TRIM36: variants seen among roughly 807,000 people sequenced by gnomAD.
TRIM36 encodes the protein tripartite motif containing 36.
Under a neutral mutation model 72.4 loss-of-function variants are expected in TRIM36, and 42 were observed. The observed-to-expected ratio is 0.58, with a 90% confidence interval of 0.45 to 0.75. The LOEUF (loss-of-function observed/expected upper bound fraction) is 0.75, where lower values mean the gene tolerates loss of function less well. TRIM36 is among the 30% of genes least tolerant of loss of function. TRIM36 has a pLI of 0.00. For synonymous variants in TRIM36, 315 were observed against 282.8 expected (o/e 1.11, Z -1.14); for missense variants, 913 against 857.1 (o/e 1.07, Z -0.81).
intron 2 of TRIM36, among the ~76,000 whole-genome samples, chr5:115,148,122 A>AT (rs1193087069): frequency 1.3e-5 from 2 of 152,306 alleles, no homozygotes; most frequent in East Asian, 3.9e-4. Flanking sequence ...TAATTTAGTG[A>AT]TTTTTAAGAG....
At chr5:115,169,555 C>G (rs569320600) in intron 1 of TRIM36, 53 bp downstream of exon 1, 36 of 1,486,248 alleles carry the variant, frequency 2.4e-5, no homozygotes, top group Non-Finnish European at 3.0e-5. Context: ...GAGAAAGAGC[C>G]GCGGTCGGCA....
At chr5:115,136,582 A>G (rs1752975437) in intron 7 of TRIM36, among the ~76,000 whole-genome samples, 1 of 152,194 alleles carries the variant, frequency 6.6e-6, no homozygotes, top group African/African-American at 2.4e-5. Flanking sequence ...AAACTCTGAC[A>G]AGGATGTGCG....
intron 9 of TRIM36, 35 bp downstream of exon 9, chr5:115,130,557 A>C (rs1302577974): frequency 1.3e-6 from 2 of 1,561,192 alleles, no homozygotes; most frequent in Admixed American, 4.0e-5. Context: ...TACTTTTAAA[A>C]AATTATCAAG....
chr5:115,163,470 T>C (rs773319436), intron 2 of TRIM36, 48 bp downstream of exon 2: 2 of 1,505,344 alleles, frequency 1.3e-6, no homozygotes, highest in East Asian at 2.3e-5. Context: ...AATATATATC[T>C]ATAAGCTTAC....
intron 1 of TRIM36, among the ~76,000 whole-genome samples, chr5:115,164,439 G>T (rs1486920561): frequency 6.6e-6 from 1 of 152,198 alleles, no homozygotes; most frequent in East Asian, 1.9e-4. Flanking sequence ...GTGACTCACA[G>T]TTCCACATGG....
At position 115,169,865 on chromosome 5, in the gene TRIM36, A is replaced by G; in HGVS notation, c.-231T>C. The G allele has an allele frequency of 6.1e-6, 8 of 1,305,624 alleles. No individual in the cohort carries two copies. Among genetic ancestry groups the G allele is most frequent in the South Asian group, 2.1e-5 (1 of 46,864 alleles). 80.9% of individuals were successfully genotyped at this position (1,305,624 alleles called of 1,614,324 possible). Reference sequence around the variant, plus strand: ...TTTGCTCCCAGCGACTACCCCGGGAATCCCGCCCAGCTGCCGGCTGCAGCA... The same window carrying G: ...TTTGCTCCCAGCGACTACCCCGGGAGTCCCGCCCAGCTGCCGGCTGCAGCA... On this transcript the variant is annotated 5_prime_UTR_variant, in exon 1 of 10. Coordinates refer to ENST00000513154, the MANE Select transcript of TRIM36 (RefSeq NM_001300759.2).
At chr5:115,136,873 T>G in intron 7 of TRIM36, 127 bp downstream of exon 7, 1 of 802,314 alleles carries the variant, frequency 1.2e-6, no homozygotes. Flanking sequence ...GATTTCAGGA[T>G]GCTGTGATAG....
In TRIM36 at chr5:115,137,459, A is replaced by C; in HGVS notation, c.989T>G (p.Leu330Arg). Reference protein sequence around the residue: ...FQTQMEEYQGLLENNGLVGYA... With the variant: ...FQTQMEEYQGRLENNGLVGYA... ...TCCCACAAGTCCATTGTTCTCTAGA[A>C]GTCCCTGGTACTCTTCCATTTGAGT... Residue 330 changes from leucine to arginine, a missense_variant, in exon 6 of 10, where the codon CTT becomes CGT. By Grantham distance (102) the Leu-to-Arg change is moderately radical. Transcript: ENST00000513154. The C allele has an allele frequency of 3.7e-6, 6 of 1,614,160 alleles. No homozygotes were observed. The highest frequency in any genetic ancestry group is 5.1e-6 in the Non-Finnish European group (6 of 1,180,012).
At chr5:115,179,537 A>T (rs920629441) in intron 1 of TRIM36, among the ~76,000 whole-genome samples, 4 of 152,220 alleles carry the variant, frequency 2.6e-5, no homozygotes, top group Non-Finnish European at 5.9e-5. Flanking sequence ...GCACACTTCG[A>T]GCCTGTTCAC....
In TRIM36 at chr5:115,169,847, C is replaced by G; in HGVS notation, c.-213G>C. ...GGCGCGGGAGAAGCGAGCTTTGCTC[C>G]CAGCGACTACCCCGGGAATCCCGCC... On this transcript the variant is annotated 5_prime_UTR_variant, in exon 1 of 10. Coordinates refer to ENST00000513154, the MANE Select transcript of TRIM36 (RefSeq NM_001300759.2). 7.6e-7 allele frequency: 1 copy of G among 1,310,562 alleles called. No individual in the cohort carries two copies. Among genetic ancestry groups the G allele is most frequent in the Middle Eastern group, 2.6e-4 (1 of 3,818 alleles). 81.2% of individuals were successfully genotyped at this position (1,310,562 alleles called of 1,614,324 possible).
intron 2 of TRIM36, among the ~76,000 whole-genome samples, chr5:115,147,845 C>T (rs187068230): frequency 2.3e-3 from 356 of 152,224 alleles, no homozygotes; most frequent in Non-Finnish European, 3.8e-3. Flanking sequence ...AGCACAAAGC[C>T]CATGAAGAGG....
chr5:115,179,953 C>A (rs201644981), intron 1 of TRIM36: 1 of 1,612,360 alleles, frequency 6.2e-7, no homozygotes, highest in African/African-American at 1.3e-5. Context: ...CAGGCCGCGG[C>A]GCCCCGCGCC....
chr5:115,128,955 A>G (rs1752510614), intron 9 of TRIM36, among the ~76,000 whole-genome samples: 1 of 152,040 alleles, frequency 6.6e-6, no homozygotes, highest in African/African-American at 2.4e-5. Context: ...CCAGTCCTGC[A>G]AGCTCCATTC....
chr5:115,136,244 C>G (rs1426090867), intron 7 of TRIM36, among the ~76,000 whole-genome samples: 2 of 151,932 alleles, frequency 1.3e-5, no homozygotes, highest in African/African-American at 2.4e-5. Context: ...TTAGAATGGG[C>G]CCTACTCCAA....
chr5:115,171,348 G>A, upstream of TRIM36: 1 of 1,337,474 alleles, frequency 7.5e-7, no homozygotes, highest in East Asian at 2.3e-5. Flanking sequence ...TGCCTGGGCT[G>A]TTCTGATCCG....
Position 115,133,962 on chromosome 5 carries a change from A to C in TRIM36, c.1396T>G (p.Leu466Val), listed in dbSNP as rs1298819469. The C allele has an allele frequency of 1.2e-6, 2 of 1,613,914 alleles. No homozygotes were observed. Among genetic ancestry groups the C allele is most frequent in the South Asian group, 2.2e-5 (2 of 91,032 alleles). Residue 466 changes from leucine to valine, a missense_variant, in exon 8 of 10, where the codon TTG becomes GTG. Transcript: ENST00000513154. ...AAAGCATAGGTACTACTGTTTTCCA[A>C]GTCTTGAATTATTTTACTTGTTCCA... ...VCGTSKIIQD[L>V]ENSSTYAFRV...
Position 115,125,555 on chromosome 5 carries a change from A to AT in TRIM36, c.*947dup, listed in dbSNP as rs1196082779. On this transcript the variant is annotated 3_prime_UTR_variant, in exon 10 of 10. Transcript: ENST00000513154. ...TATAATGAACTTTTCAAACATGTAA[A>AT]TATAAATCAGGAAAACCTGATATGT... The AT allele has an allele frequency of 4.6e-5, 7 of 152,288 alleles. No individual in the cohort carries two copies. Among genetic ancestry groups the AT allele is most frequent in the Admixed American group, 3.3e-4 (5 of 15,298 alleles). 9.4% of individuals were successfully genotyped at this position (152,288 alleles called of 1,614,324 possible).
intron 2 of TRIM36, among the ~76,000 whole-genome samples, chr5:115,152,647 A>G (rs990064082): frequency 2.0e-5 from 3 of 152,186 alleles, no homozygotes; most frequent in African/African-American, 7.2e-5. Context: ...GGGAAAACCT[A>G]TCAGATTAAC....
intron 1 of TRIM36, among the ~76,000 whole-genome samples, chr5:115,168,170 C>A (rs1053918796): frequency 2.6e-5 from 4 of 152,098 alleles, no homozygotes; most frequent in Non-Finnish European, 5.9e-5. Context: ...AAAGCCTAAC[C>A]ATAACAGAAT....
Sources: gnomAD v4.1 joint callset for allele counts (sites outside exome capture counted in the v4.1 genomes callset) on GRCh38, gnomAD v4.1.1 for gene constraint, MANE v1.5 for transcripts, NCBI Gene and HGNC (gene_info 2026-07-23, HGNC 2026-07-21) for gene names.